Variants in PNKD observed in about 807,000 individuals in gnomAD.
PNKD encodes PNKD metallo-beta-lactamase domain containing, also known as probable thioesterase PNKD.
In PNKD, 36 loss-of-function variants were observed where a neutral mutation model predicts 45.3. The observed-to-expected ratio is 0.80, with a 90% CI of 0.61 to 1.05. The LOEUF (loss-of-function observed/expected upper bound fraction) is 1.05, where lower values mean the gene tolerates loss of function less well. Ranked by LOEUF, PNKD falls within the 50% of genes least tolerant of loss-of-function variation. The pLI is 0.00. For missense variants in PNKD, 511 were observed against 506.6 expected, an observed-to-expected ratio of 1.01 and a Z score of -0.08; for synonymous variants, 197 against 210.1, an observed-to-expected ratio of 0.94 and a Z score of 0.54.
rs138996100 is a variant in PNKD, at chr2:218,282,740, A to G, written c.236+11191A>G. On this transcript the variant is annotated intron_variant, in intron 2 of 9. Transcript: ENST00000273077. ...AGCTAGCCCCAGTGCCAGAGCTGCC[A>G]GGCCCCGAGGAGGAAGGGATCCAGG... 4.2e-3 allele frequency among the ~76,000 whole-genome samples: 640 copies of G among 152,298 alleles called. 7 individuals carry two copies. Among genetic ancestry groups the G allele is most frequent in the African/African-American group, 0.015 (608 of 41,580 alleles).
At chr2:218,335,350 G>A (rs1455438141) in intron 2 of PNKD, among the ~76,000 whole-genome samples, 4 of 151,722 alleles carry the variant, frequency 2.6e-5, no homozygotes, top group Non-Finnish European at 4.4e-5. Context: ...GCGTGGTGTC[G>A]CATGCCTGTA....
At chr2:218,341,705 G>A (rs1461864957) in intron 6 of PNKD, 79 bp downstream of exon 6, 1 of 1,128,656 alleles carries the variant, frequency 8.9e-7, no homozygotes, top group Non-Finnish European at 1.3e-6. Context: ...AAGTGTTTCA[G>A]GGGTATCAGC....
intron 2 of PNKD, chr2:218,290,156 T>G (rs965865037): frequency 9.9e-5 from 15 of 152,202 alleles, no homozygotes; most frequent in African/African-American, 2.9e-4. Flanking sequence ...CGTTAATGAA[T>G]GAGTGCTGGA....
intron 2 of PNKD, among the ~76,000 whole-genome samples, chr2:218,290,910 T>G (rs1692889355): frequency 6.6e-6 from 1 of 152,222 alleles, no homozygotes; most frequent in Non-Finnish European, 1.5e-5. Context: ...TTAGCAGAAC[T>G]TCTTCCCAGA....
intron 2 of PNKD, chr2:218,275,751 CAT>C: frequency 5.2e-6 from 6 of 1,149,338 alleles, no homozygotes; most frequent in African/African-American, 1.5e-5. Flanking sequence ...CACAGCATAA[CAT>C]ATGGGCTCTA....
intron 2 of PNKD, among the ~76,000 whole-genome samples, chr2:218,293,550 T>C (rs1693050636): frequency 6.6e-6 from 1 of 150,618 alleles, no homozygotes; most frequent in African/African-American, 2.4e-5. Context: ...TTAATAGCTA[T>C]AGGTCAGCAC....
rs776403372 is a variant in PNKD at position 218,272,734 on chromosome 2, C to G, written c.236+1185C>G. 3.3e-5 allele frequency: 53 copies of G among 1,614,090 alleles called. No homozygotes were observed. The highest frequency in any genetic ancestry group is 3.7e-5 in the Non-Finnish European group (44 of 1,180,038). ...GCTTCCTCCCAGAGTGCCCCGTCCC[C>G]TGATGTTGGGTCTGGGGTGCAGACC... On this transcript the variant is annotated intron_variant, in intron 2 of 9. Transcript: ENST00000273077.
At chr2:218,301,751 C>CCAGCCTGGGCAA (rs1693279955) in intron 2 of PNKD, among the ~76,000 whole-genome samples, 1 of 152,098 alleles carries the variant, frequency 6.6e-6, no homozygotes, top group Admixed American at 6.5e-5. Flanking sequence ...TTATGCCACT[C>CCAGCCTGGGCAA]CAGCCTGGGC....
At chr2:218,337,202 G>T (rs537217637) in intron 2 of PNKD, among the ~76,000 whole-genome samples, 53 of 152,004 alleles carry the variant, frequency 3.5e-4, no homozygotes, top group Admixed American at 4.6e-4. Context: ...AGCCTCCCAA[G>T]TAGCTAGGAT....
rs1166883108 is a variant in PNKD, at chr2:218,279,451, T to C, written c.236+7902T>C. ...GTACTTTCCTCCCACTCAAGAACCCTCCCTAGCTGCAGCCTGGCCCAGAGG... is the reference window on the plus strand; with the variant it reads ...GTACTTTCCTCCCACTCAAGAACCCCCCCTAGCTGCAGCCTGGCCCAGAGG... On this transcript the variant is annotated intron_variant, in intron 2 of 9. Coordinates refer to ENST00000273077, the MANE Select transcript of PNKD (RefSeq NM_015488.5). 5 of 1,143,104 alleles carry C rather than the reference T, an allele frequency of 4.4e-6. No individual in the cohort carries two copies. In the East Asian group the frequency reaches 1.3e-4, roughly 30 times the overall value. 70.8% of individuals were successfully genotyped at this position (1,143,104 alleles called of 1,614,324 possible).
chr2:218,344,381 G>C, intron 8 of PNKD, 74 bp from the exon 9 acceptor site: 3 of 1,114,432 alleles, frequency 2.7e-6, no homozygotes, highest in Non-Finnish European at 4.0e-6. Flanking sequence ...CCTGGACCTG[G>C]GGCAGGGAAG....
chr2:218,323,744 C>T lies in PNKD; in HGVS notation c.237-16039C>T, dbSNP rs6747666. 0.15 allele frequency among the ~76,000 whole-genome samples: 23,412 copies of T among 151,842 alleles called. 4,305 individuals are homozygous for T. Among genetic ancestry groups the T allele is most frequent in the African/African-American group, 0.44 (18,394 of 41,368 alleles). ...ATGGGCTGGAGACCAGGAAGCTGGA[C>T]AGGGGGATAGTGCAGGAGCCAGGGC... On this transcript the variant is annotated intron_variant, in intron 2 of 9. Transcript: ENST00000273077.
At chr2:218,275,419 A>G (rs1691089821) in intron 2 of PNKD, 2 of 1,574,974 alleles carry the variant, frequency 1.3e-6, no homozygotes, top group Middle Eastern at 3.6e-4. Context: ...CATAGGGCCC[A>G]GCCCTCTAGC....
intron 2 of PNKD, among the ~76,000 whole-genome samples, chr2:218,273,489 TTTTTTTTTGAGACAGAGTTTCACTC>T (rs1318527752): frequency 6.7e-6 from 1 of 149,834 alleles, no homozygotes; most frequent in Non-Finnish European, 1.5e-5. Flanking sequence ...ATTTTTTTTT[TTTTTTTTTGAGACAGAGTTTCACTC>T]TTGTTGCCCA....
At chr2:218,314,412 G>T (rs548179162) in intron 2 of PNKD, among the ~76,000 whole-genome samples, 56 of 151,756 alleles carry the variant, frequency 3.7e-4, no homozygotes, top group African/African-American at 1.3e-3. Flanking sequence ...TTGTAGAGAT[G>T]AGGTCTCCCT....
rs1462642964 is a variant in PNKD at position 218,345,353 on chromosome 2, T to C, written c.*372T>C. On this transcript the variant is annotated 3_prime_UTR_variant, in exon 10 of 10. Coordinates refer to ENST00000273077, the MANE Select transcript of PNKD (RefSeq NM_015488.5). ...TCCGTCAGGAGGCCTCATCTCACTGTAGCCCTGGAACCCAGGGTCCATCTT... is the reference window on the plus strand; with the variant it reads ...TCCGTCAGGAGGCCTCATCTCACTGCAGCCCTGGAACCCAGGGTCCATCTT... 1 of 214,402 alleles carries C rather than the reference T, an allele frequency of 4.7e-6. No homozygotes were observed. The highest frequency in any genetic ancestry group is 9.4e-6 in the Non-Finnish European group (1 of 105,902). 13.3% of individuals were successfully genotyped at this position (214,402 alleles called of 1,614,324 possible). A position where few individuals can be genotyped will look rare whatever the true frequency, so the allele number is the denominator to read the frequency against.
chr2:218,293,313 ACT>A (rs1212944120), intron 2 of PNKD, among the ~76,000 whole-genome samples: 1 of 152,150 alleles, frequency 6.6e-6, no homozygotes, highest in African/African-American at 2.4e-5. Context: ...GGGCATGGTG[ACT>A]CACACCTGCG....
At chr2:218,292,836 GTTT>G (rs1693024889) in intron 2 of PNKD, among the ~76,000 whole-genome samples, 1 of 152,174 alleles carries the variant, frequency 6.6e-6, no homozygotes, top group South Asian at 2.1e-4. Context: ...TATGTATTTT[GTTT>G]TTCTACAGTG....
chr2:218,304,369 C>T (rs1411382098), intron 2 of PNKD, among the ~76,000 whole-genome samples: 1 of 151,998 alleles, frequency 6.6e-6, no homozygotes. Flanking sequence ...GTCTGGAACT[C>T]CTAACCTCAG....
Sources: gnomAD v4.1 joint callset for allele counts (sites outside exome capture counted in the v4.1 genomes callset) on GRCh38, gnomAD v4.1.1 for gene constraint, MANE v1.5 for transcripts, NCBI Gene and HGNC (gene_info 2026-07-23, HGNC 2026-07-21) for gene names.